MAST4: variants seen among roughly 807,000 people sequenced by gnomAD.
MAST4 encodes the protein microtubule associated serine/threonine kinase family member 4.
MAST4 carries 89 observed loss-of-function variants against 162.7 expected under a neutral mutation model. The observed-to-expected ratio is 0.55, with a 90% CI of 0.46 to 0.65. The LOEUF (loss-of-function observed/expected upper bound fraction) is 0.65, where lower values mean the gene tolerates loss of function less well. Ranked by LOEUF, MAST4 falls within the 30% of genes least tolerant of loss-of-function variation. The pLI is 0.00. For synonymous variants in MAST4, 1,479 were observed against 1,361.1 expected, an observed-to-expected ratio of 1.09 and a Z score of -1.91; for missense variants, 3,153 against 3,374.0, an observed-to-expected ratio of 0.93 and a Z score of 1.62.
At chr5:66,793,706 G>A (rs1755524900) in intron 3 of MAST4, among the ~76,000 whole-genome samples, 1 of 152,154 alleles carries the variant, frequency 6.6e-6, no homozygotes, top group Non-Finnish European at 1.5e-5. Context: ...CCAATTTTCT[G>A]GTTGGTTGGA....
rs1773742745 is a variant in MAST4 at position 67,165,295 on chromosome 5, G to C, written c.6116G>C (p.Gly2039Ala). 4 of 1,613,394 alleles carry C rather than the reference G, an allele frequency of 2.5e-6. No homozygotes were observed. Among genetic ancestry groups the C allele is most frequent in the Non-Finnish European group, 3.4e-6 (4 of 1,179,900 alleles). ...GCCATGGAGAAAGCATGGGCGCCGGGTGGGAAAACGAACCACAAAGATGGC... is the reference window on the plus strand; with the variant it reads ...GCCATGGAGAAAGCATGGGCGCCGGCTGGGAAAACGAACCACAAAGATGGC... The part of the protein sequence containing the change: ...TQAMEKAWAP[G>A]GKTNHKDGPG... Residue 2039 changes from glycine to alanine, a missense_variant, in exon 29 of 29, where the codon GGT becomes GCT. Transcript: ENST00000403625.
intron 5 of MAST4, among the ~76,000 whole-genome samples, chr5:67,071,981 AACTT>A (rs768401659): frequency 4.6e-5 from 7 of 152,254 alleles, no homozygotes; most frequent in Non-Finnish European, 1.0e-4. Context: ...AAAGTTCCTT[AACTT>A]ACTTTGAGGC....
chr5:66,623,913 G>A (rs1223016465), intron 1 of MAST4, among the ~76,000 whole-genome samples: 2 of 152,090 alleles, frequency 1.3e-5, no homozygotes, highest in Admixed American at 1.3e-4. Flanking sequence ...ATTCAGTAAA[G>A]TAAGATACAA....
chr5:67,121,154 A>G (rs1561680772), intron 14 of MAST4, 52 bp downstream of exon 14: 3 of 1,362,952 alleles, frequency 2.2e-6, no homozygotes, highest in South Asian at 2.6e-5. Flanking sequence ...CTCAAGTGAT[A>G]TATTTATTCT....
At chr5:67,111,476 C>T (rs192701106) in intron 11 of MAST4, among the ~76,000 whole-genome samples, 2 of 152,000 alleles carry the variant, frequency 1.3e-5, no homozygotes, top group Admixed American at 6.5e-5. Context: ...ATGGTGAGGA[C>T]CCTTAGAATC....
intron 4 of MAST4, among the ~76,000 whole-genome samples, chr5:66,945,112 A>G (rs537864279): frequency 1.1e-4 from 16 of 152,150 alleles, no homozygotes; most frequent in Non-Finnish European, 2.4e-4. Flanking sequence ...CATTTAAGGA[A>G]GAAAGTAAAT....
intron 24 of MAST4, 45 bp from the exon 25 acceptor site, chr5:67,152,592 T>C: frequency 6.5e-7 from 1 of 1,546,736 alleles, no homozygotes; most frequent in Non-Finnish European, 8.9e-7. Flanking sequence ...GCATGGATGC[T>C]TGTGTGAGCC....
intron 1 of MAST4, among the ~76,000 whole-genome samples, chr5:66,745,216 C>A (rs1752681434): frequency 6.6e-6 from 1 of 152,178 alleles, no homozygotes; most frequent in African/African-American, 2.4e-5. Context: ...CTGCCTTCCT[C>A]CTCACCACTG....
rs258079 is a variant in MAST4 at position 66,837,267 on chromosome 5, G to A, written c.642+48473G>A. 1.4e-3 allele frequency among the ~76,000 whole-genome samples: 216 copies of A among 152,112 alleles called. 6 individuals are homozygous for A. The East Asian group carries it at 0.036, about 26-fold the overall frequency. ...ATGTATTGTAGTTAACGTTGAGAAC[G>A]TATTTTCTTTTTCTTCATCATTATC... On this transcript the variant is annotated intron_variant, in intron 3 of 28. Transcript: ENST00000403625.
intron 4 of MAST4, among the ~76,000 whole-genome samples, chr5:67,051,884 C>T (rs1758227915): frequency 6.6e-6 from 1 of 152,062 alleles, no homozygotes; most frequent in African/African-American, 2.4e-5. Context: ...ACTTTGGGAT[C>T]ATTTGATGTT....
chr5:66,687,748 T>C (rs1385826765), intron 1 of MAST4, among the ~76,000 whole-genome samples: 1 of 152,168 alleles, frequency 6.6e-6, no homozygotes, highest in Non-Finnish European at 1.5e-5. Flanking sequence ...GCTTTGCTAT[T>C]GTGAACAGTG....
intron 1 of MAST4, among the ~76,000 whole-genome samples, chr5:66,749,340 C>T (rs576345254): frequency 8.5e-5 from 13 of 152,244 alleles, no homozygotes; most frequent in South Asian, 6.2e-4. Flanking sequence ...TGTACTGCTC[C>T]GTTCATGCCA....
chr5:67,160,907 C>T (rs892306432), intron 27 of MAST4, among the ~76,000 whole-genome samples: 1 of 152,202 alleles, frequency 6.6e-6, no homozygotes, highest in South Asian at 2.1e-4. Flanking sequence ...ACTGGATCTT[C>T]AGGTGGTTTT....
intron 1 of MAST4, among the ~76,000 whole-genome samples, chr5:66,756,021 ACTTT>A (rs1184749782): frequency 2.6e-5 from 4 of 152,094 alleles, no homozygotes; most frequent in African/African-American, 9.7e-5. Context: ...AGTTTTGGAA[ACTTT>A]CTTTCAATTC....
At chr5:67,094,924 C>G (rs1345082914) in intron 6 of MAST4, among the ~76,000 whole-genome samples, 2 of 152,178 alleles carry the variant, frequency 1.3e-5, no homozygotes, top group Non-Finnish European at 2.9e-5. Context: ...TCTGCCCCCA[C>G]TGTTGACTGG....
chr5:66,998,623 C>G (rs1484472331), intron 4 of MAST4, among the ~76,000 whole-genome samples: 21 of 152,170 alleles, frequency 1.4e-4, no homozygotes. Flanking sequence ...ATCTTTCTAA[C>G]CTGTAGCAAA....
chr5:67,058,565 G>T (rs917421310), intron 5 of MAST4, among the ~76,000 whole-genome samples: 3 of 152,184 alleles, frequency 2.0e-5, no homozygotes, highest in African/African-American at 7.2e-5. Context: ...TGATTCAGGG[G>T]TGTAACCCAG....
chr5:66,732,578 G>T (rs1751918647), intron 1 of MAST4, among the ~76,000 whole-genome samples: 2 of 152,164 alleles, frequency 1.3e-5, no homozygotes, highest in Non-Finnish European at 2.9e-5. Flanking sequence ...TTTCTTAAGG[G>T]CAAGGACAAT....
At chr5:66,890,227 A>G (rs1762282727) in intron 3 of MAST4, among the ~76,000 whole-genome samples, 1 of 152,204 alleles carries the variant, frequency 6.6e-6, no homozygotes, top group Non-Finnish European at 1.5e-5. Flanking sequence ...CACTTCAGTT[A>G]GTATATAATA....
Sources: allele counts gnomAD v4.1 joint callset (sites outside exome capture counted in the v4.1 genomes callset), GRCh38; gene constraint gnomAD v4.1.1; transcripts MANE v1.5; gene names NCBI Gene and HGNC (gene_info 2026-07-23, HGNC 2026-07-21).